The following RIC8A variants were observed in gnomAD, a reference collection of about 807,000 sequenced individuals.
RIC8A encodes chaperone Ric-8A.
A neutral mutation model predicts 48.4 loss-of-function variants in RIC8A; 37 were observed. The observed-to-expected ratio is 0.77, with a 90% confidence interval of 0.59 to 1.01. The LOEUF (loss-of-function observed/expected upper bound fraction) is 1.01. Among genes scored for constraint, RIC8A ranks in the 50% least tolerant of loss-of-function variants. RIC8A has a pLI of 0.00. For missense variants in RIC8A, 681 were observed against 696.8 expected (o/e 0.98, Z 0.25); for synonymous variants, 288 against 283.4 (o/e 1.02, Z -0.16).
In RIC8A at chr11:212,399, C is replaced by A; in HGVS notation, c.970-17C>A. The stretch of plus-strand genomic sequence containing the variant: ...TTAGGCAGGGGCATAGCCCCAGTGA[C>A]AGAGAATCCTCTACAGACACACAGG... On this transcript the variant is annotated splice_polypyrimidine_tract_variant and intron_variant, in intron 5 of 9. Transcript: ENST00000526104. 1 of 1,612,050 alleles carries A rather than the reference C, an allele frequency of 6.2e-7. No individual in the cohort carries two copies. Among genetic ancestry groups the A allele is most frequent in the Non-Finnish European group, 8.5e-7 (1 of 1,179,040 alleles).
In RIC8A at chr11:212,678, C is replaced by A. The variant is rs1354729780; in HGVS notation, c.1129C>A (p.Leu377Ile). ...GGTTGGGGAGATGCTGCGGAACAAGCTTGTCCGCCTCATGACACACCTGGA... is the reference window on the plus strand; with the variant it reads ...GGTTGGGGAGATGCTGCGGAACAAGATTGTCCGCCTCATGACACACCTGGA... ...PEVGEMLRNK[L>I]VRLMTHLDTD... Residue 377 changes from leucine to isoleucine, a missense_variant, in exon 7 of 10, where the codon CTT becomes ATT. By Grantham distance (5) the Leu-to-Ile change is conservative. Transcript: ENST00000526104. 6.2e-7 allele frequency: 1 copy of A among 1,614,120 alleles called. No individual in the cohort carries two copies. The highest frequency in any genetic ancestry group is 8.5e-7 in the Non-Finnish European group (1 of 1,180,030).
intron 2 of RIC8A, 25 bp downstream of exon 2, chr11:209,343 G>A: frequency 1.9e-6 from 3 of 1,607,774 alleles, no homozygotes; most frequent in South Asian, 1.1e-5. Context: ...AAGGGGTAAA[G>A]GGGCAGGGAC....
chr11:213,435 G>A lies in RIC8A; in HGVS notation c.1475+17G>A. The A allele has an allele frequency of 3.2e-6, 5 of 1,565,946 alleles. No homozygotes were observed. The highest frequency in any genetic ancestry group is 4.3e-6 in the Non-Finnish European group (5 of 1,154,750). On this transcript the variant is annotated intron_variant, in intron 9 of 9. Transcript: ENST00000526104. Reference sequence around the variant, plus strand: ...GCTCTCCAGGTGTGTGGCATGAGGAGGAGGGGCCTGCAGCTGGGAGAAGGG... The same window carrying A: ...GCTCTCCAGGTGTGTGGCATGAGGAAGAGGGGCCTGCAGCTGGGAGAAGGG...
intron 9 of RIC8A, 67 bp downstream of exon 9, chr11:213,485 T>A: frequency 6.5e-7 from 1 of 1,544,318 alleles, no homozygotes; most frequent in Non-Finnish European, 8.7e-7. Context: ...TCCTGTCTTG[T>A]GAGCCCCAGG....
chr11:209,002 A>G (rs2177173), intron 1 of RIC8A, 64 bp downstream of exon 1: 1,264,589 of 1,269,094 alleles, frequency 1, 630,165 homozygotes, highest in East Asian at 1. Flanking sequence ...GTGCGCGGGT[A>G]GCAGGGAGGG....
At position 214,278 on chromosome 11, in the gene RIC8A, G is replaced by A. The variant is rs368554089; in HGVS notation, c.1524G>A (p.Thr508=). The A allele has an allele frequency of 2.4e-5, 38 of 1,613,734 alleles. 2 individuals carry two copies. In the African/African-American group the frequency reaches 2.7e-4, roughly 11 times the overall value. ...PMGMSPRGHL[T]SLQDAMCETM... is the part of the protein sequence containing the mutation. ...GGATGAGTCCCCGGGGTCATCTTACGTCCCTGCAGGATGCCATGTGCGAGA... is the reference window on the plus strand; with the variant it reads ...GGATGAGTCCCCGGGGTCATCTTACATCCCTGCAGGATGCCATGTGCGAGA... Residue 508 remains threonine, a synonymous_variant, in exon 10 of 10, where the codon ACG becomes ACA. Transcript: ENST00000526104.
In RIC8A at chr11:211,330, T is replaced by C; in HGVS notation, c.950T>C (p.Leu317Pro). Residue 317 changes from leucine (L) to proline (P), a missense_variant, in exon 5 of 10, where the codon CTA (leucine) becomes CCA (proline). Coordinates refer to ENST00000526104, the MANE Select transcript of RIC8A (RefSeq NM_001286134.2). This position sits in a 1 kb window ranked among gnomAD's most constrained non-coding sequence, Gnocchi z 4.0. ...MDVIRALLIF[L>P]EKRLHKTHRL... The stretch of plus-strand genomic sequence containing the variant: ...GTGATTCGTGCCCTCCTCATCTTCC[T>C]AGAGAAGCGTTTGCACAAGGTAGGC... 6.2e-7 allele frequency: 1 copy of C among 1,613,920 alleles called. No individual in the cohort carries two copies. The highest frequency in any genetic ancestry group is 8.5e-7 in the Non-Finnish European group (1 of 1,179,890).
In RIC8A at chr11:212,484, C is replaced by T. The variant is rs141734125; in HGVS notation, c.1038C>T (p.Arg346=). Residue 346 remains arginine (R), a synonymous_variant, in exon 6 of 10, where the codon CGC becomes CGT. Coordinates refer to ENST00000526104, the MANE Select transcript of RIC8A (RefSeq NM_001286134.2). ...SVLTECARMH[R]PARKFLKAQV... ...TGACTGAATGTGCCCGGATGCACCGCCCAGCCAGGAAGTTCCTGAAGGCCC... is the reference window on the plus strand; with the variant it reads ...TGACTGAATGTGCCCGGATGCACCGTCCAGCCAGGAAGTTCCTGAAGGCCC... The T allele has an allele frequency of 1.5e-4, 246 of 1,613,822 alleles. No individual in the cohort carries two copies. Among genetic ancestry groups the T allele is most frequent in the Admixed American group, 4.3e-4 (26 of 59,982 alleles).
At position 213,004 on chromosome 11, in the gene RIC8A, C is replaced by T. The variant is rs781170894; in HGVS notation, c.1355+23C>T. ...CAGGTGTGTACCCCCAACACACCCT[C>T]GGGTCTCCACTCACAGCCCCATAGT... is the stretch of plus-strand genomic sequence containing the variant. On this transcript the variant is annotated intron_variant, in intron 8 of 9. Coordinates refer to ENST00000526104, the MANE Select transcript of RIC8A (RefSeq NM_001286134.2). 6.5e-6 allele frequency: 10 copies of T among 1,530,706 alleles called. No homozygotes were observed. In the East Asian group the frequency reaches 1.4e-4, roughly 21 times the overall value. 94.8% of individuals were successfully genotyped at this position (1,530,706 alleles called of 1,614,324 possible).
chr11:214,136 T>C (rs1855462403), intron 9 of RIC8A, 94 bp from the exon 10 acceptor site: 1 of 1,436,008 alleles, frequency 7.0e-7, no homozygotes, highest in African/African-American at 1.4e-5. Flanking sequence ...AGCAGCCTAC[T>C]TGGTAGAGAG....
chr11:212,706 C>A lies in RIC8A; in HGVS notation c.1157C>A (p.Thr386Lys), dbSNP rs1855393931. 1 of 1,613,994 alleles carries A rather than the reference C, an allele frequency of 6.2e-7. No individual in the cohort carries two copies. The highest frequency in any genetic ancestry group is 8.5e-7 in the Non-Finnish European group (1 of 1,180,050). The change falls in exon 7 of 10, where the codon ACA becomes AAA. Residue 386 changes from threonine (T) to lysine (K), a missense_variant. Physicochemically the swap from Thr to Lys is moderately conservative, Grantham distance 78. Coordinates refer to ENST00000526104, the MANE Select transcript of RIC8A (RefSeq NM_001286134.2). ...GTCCGCCTCATGACACACCTGGACA[C>A]AGATGTGAAGAGGGTGGCTGCCGAG... is the stretch of plus-strand genomic sequence containing the variant. The part of the protein sequence containing the change: ...KLVRLMTHLD[T>K]DVKRVAAEFL...
chr11:213,252 T>A, intron 8 of RIC8A, 47 bp from the exon 9 acceptor site: 1 of 1,612,032 alleles, frequency 6.2e-7, no homozygotes, highest in South Asian at 1.1e-5. Context: ...CCTCCTGTCC[T>A]GGAGAGTCAC....
chr11:209,790 G>T lies in RIC8A; in HGVS notation c.516G>T (p.Thr172=), dbSNP rs748647702. 1 of 1,613,992 alleles carries T rather than the reference G, an allele frequency of 6.2e-7. No homozygotes were observed. ...FFDLRLLFLL[T]ALRTDVRQQL... is the part of the protein sequence containing the mutation. ...ACTTGCGGCTCCTCTTCCTGCTAACGGCACTCCGCACCGATGTGCGCCAGC... is the reference window on the plus strand; with the variant it reads ...ACTTGCGGCTCCTCTTCCTGCTAACTGCACTCCGCACCGATGTGCGCCAGC... Residue 172 remains threonine (T), a synonymous_variant, in exon 3 of 10, where the codon ACG becomes ACT. Transcript: ENST00000526104.
Position 208,635 on chromosome 11 carries a change from C to G in RIC8A, c.-220C>G, listed in dbSNP as rs1321042710. 2 of 469,888 alleles carry G rather than the reference C, an allele frequency of 4.3e-6. No individual in the cohort carries two copies. The highest frequency in any genetic ancestry group is 4.2e-5 in the African/African-American group (2 of 47,848). 29.1% of individuals were successfully genotyped at this position (469,888 alleles called of 1,614,324 possible). On this transcript the variant is annotated 5_prime_UTR_variant, in exon 1 of 10. Transcript: ENST00000526104. The surrounding 1 kb of genome is among the most constrained non-coding windows in gnomAD (Gnocchi z 4.8). ...TTCGGTTCAGAGCGACTCAGCCCCTCGACTCGGGTCTTAAAACCTCCGAGC... is the reference window on the plus strand; with the variant it reads ...TTCGGTTCAGAGCGACTCAGCCCCTGGACTCGGGTCTTAAAACCTCCGAGC...
At position 212,982 on chromosome 11, in the gene RIC8A, G is replaced by A. The variant is rs1334862657; in HGVS notation, c.1355+1G>A. On this transcript the variant is annotated splice_donor_variant, in intron 8 of 9. Coordinates refer to ENST00000526104, the MANE Select transcript of RIC8A (RefSeq NM_001286134.2). LOFTEE classifies it high-confidence loss of function. ...ATGAGTACAAGGAAGCCAAAGCCAGGTGTGTACCCCCAACACACCCTCGGG... is the reference window on the plus strand; with the variant it reads ...ATGAGTACAAGGAAGCCAAAGCCAGATGTGTACCCCCAACACACCCTCGGG... 1 of 1,543,974 alleles carries A rather than the reference G, an allele frequency of 6.5e-7. No homozygotes were observed.
chr11:214,293 C>T lies in RIC8A; in HGVS notation c.1539C>T (p.Ala513=), dbSNP rs1235188228. ...GTCATCTTACGTCCCTGCAGGATGCCATGTGCGAGACTATGGAGCAGCAGC... is the reference window on the plus strand; with the variant it reads ...GTCATCTTACGTCCCTGCAGGATGCTATGTGCGAGACTATGGAGCAGCAGC... ...PRGHLTSLQD[A]MCETMEQQLS... is the part of the protein sequence containing the mutation. The change falls in exon 10 of 10, where the codon GCC becomes GCT. Residue 513 remains alanine, a synonymous_variant. Transcript: ENST00000526104. The T allele has an allele frequency of 8.1e-6, 13 of 1,613,466 alleles. No individual in the cohort carries two copies. In the Admixed American group the frequency reaches 8.3e-5, roughly 10 times the overall value.
chr11:213,161 T>C, intron 8 of RIC8A, 138 bp from the exon 9 acceptor site: 1 of 1,399,360 alleles, frequency 7.1e-7, no homozygotes, highest in South Asian at 1.4e-5. Context: ...CAGGAGCTGG[T>C]TACCTGTGCC....
intron 1 of RIC8A, 114 bp from the exon 2 acceptor site, chr11:209,157 G>A: frequency 7.6e-7 from 1 of 1,316,282 alleles, no homozygotes; most frequent in South Asian, 1.2e-5. Context: ...TGCCGACCCT[G>A]CCATCCGTTC....
intron 4 of RIC8A, 140 bp downstream of exon 4, chr11:210,802 G>A: frequency 1.3e-6 from 1 of 764,370 alleles, no homozygotes; most frequent in Non-Finnish European, 2.2e-6. Flanking sequence ...GAGTGAGACT[G>A]GACATAGCCA....
Sources: gnomAD v4.1 joint callset for allele counts on GRCh38, gnomAD v4.1.1 for gene constraint, Gnocchi (gnomAD v3.1) non-coding constraint, MANE v1.5 for transcripts, NCBI Gene and HGNC (gene_info 2026-07-23, HGNC 2026-07-21) for gene names.